HEATR5A: variants seen among roughly 807,000 people sequenced by gnomAD.
HEATR5A encodes HEAT repeat-containing protein 5A.
A neutral mutation model predicts 218.8 loss-of-function variants in HEATR5A; 178 were observed. The ratio of observed to expected loss-of-function variants is 0.81; its 90% confidence interval spans 0.72 to 0.92. HEATR5A has a LOEUF of 0.92. HEATR5A is among the 40% of genes least tolerant of loss of function. The pLI, the probability that HEATR5A is intolerant of heterozygous loss-of-function variation, is 0.00. For missense variants in HEATR5A, 2,420 were observed against 2,418.9 expected (o/e 1.00, Z -0.01); for synonymous variants, 864 against 871.6 (o/e 0.99, Z 0.15).
chr14:31,348,236 T>C (rs891207913), intron 18 of HEATR5A, among the ~76,000 whole-genome samples: 3 of 152,190 alleles, frequency 2.0e-5, no homozygotes, highest in Non-Finnish European at 2.9e-5. Context: ...AAAACTCAAA[T>C]GCTGAGATAC....
At chr14:31,330,563 T>A (rs1900429862) in intron 22 of HEATR5A, among the ~76,000 whole-genome samples, 2 of 151,846 alleles carry the variant, frequency 1.3e-5, no homozygotes, top group South Asian at 4.1e-4. Flanking sequence ...CCGAGGTGGG[T>A]GGATCACGAG....
intron 1 of HEATR5A, among the ~76,000 whole-genome samples, chr14:31,414,102 T>G (rs2031371295): frequency 6.6e-6 from 1 of 152,214 alleles, no homozygotes; most frequent in Non-Finnish European, 1.5e-5. Context: ...TTATTATGCT[T>G]CATTCCACAC....
intron 6 of HEATR5A, among the ~76,000 whole-genome samples, chr14:31,390,577 A>G (rs1432278911): frequency 6.6e-6 from 1 of 152,220 alleles, no homozygotes; most frequent in Non-Finnish European, 1.5e-5. Flanking sequence ...CACGTACTAC[A>G]TAAGGACATT....
intron 1 of HEATR5A, among the ~76,000 whole-genome samples, chr14:31,414,474 G>A (rs1406496839): frequency 6.6e-6 from 1 of 152,194 alleles, no homozygotes; most frequent in Non-Finnish European, 1.5e-5. Context: ...TAACAGTGAT[G>A]AAAGAGACAA....
At position 31,386,612 on chromosome 14, in the gene HEATR5A, T is replaced by C. The variant is rs371609648; in HGVS notation, c.1190-37A>G. The C allele has an allele frequency of 6.0e-6, 9 of 1,511,568 alleles. No individual in the cohort carries two copies. The African/African-American group carries it at 1.3e-4, about 21-fold the overall frequency. 93.6% of individuals were successfully genotyped at this position (1,511,568 alleles called of 1,614,324 possible). A position where few individuals can be genotyped will look rare whatever the true frequency, so the allele number is the denominator to read the frequency against. On this transcript the variant is annotated intron_variant, in intron 8 of 35. Transcript: ENST00000543095. ...GCAAGAATTAACTATGCATAACCAC[T>C]GTATTAAAATATATTGAAAAGGGTG...
intron 12 of HEATR5A, among the ~76,000 whole-genome samples, chr14:31,372,933 C>A (rs1159327267): frequency 3.3e-5 from 5 of 151,476 alleles, no homozygotes; most frequent in Non-Finnish European, 7.4e-5. Flanking sequence ...CCTCCCGACC[C>A]CACCTCCCAC....
intron 27 of HEATR5A, 132 bp downstream of exon 27, chr14:31,315,638 T>C (rs551109451): frequency 6.4e-6 from 4 of 622,806 alleles, no homozygotes; most frequent in Non-Finnish European, 1.1e-5. Context: ...ACATCACATG[T>C]TGGAATTCTT....
intron 13 of HEATR5A, among the ~76,000 whole-genome samples, chr14:31,371,213 T>C (rs761522566): frequency 6.6e-6 from 1 of 152,250 alleles, no homozygotes; most frequent in African/African-American, 2.4e-5. Flanking sequence ...ATTTACTATC[T>C]GGTCCTTCAG....
At chr14:31,396,467 T>C (rs572848973) in intron 4 of HEATR5A, among the ~76,000 whole-genome samples, 6 of 152,132 alleles carry the variant, frequency 3.9e-5, no homozygotes, top group South Asian at 2.1e-4. Flanking sequence ...AAAGAAATAG[T>C]AGCTGCTTAT....
In HEATR5A at chr14:31,332,414, G is replaced by A. The variant is rs576639661; in HGVS notation, c.3367+5062C>T. Among the ~76,000 whole-genome samples, 15 of 152,178 alleles carry A rather than the reference G, an allele frequency of 9.9e-5. No homozygotes were observed. The South Asian group carries it at 3.1e-3, about 32-fold the overall frequency. The stretch of plus-strand genomic sequence containing the variant: ...CTGAGACACAACAGTATCAAAATTA[G>A]GCCAATGAATAACACCGCAATGGCC... On this transcript the variant is annotated intron_variant, in intron 22 of 35. Transcript: ENST00000543095.
At chr14:31,312,564 C>T (rs1156349522) in intron 28 of HEATR5A, among the ~76,000 whole-genome samples, 1 of 151,966 alleles carries the variant, frequency 6.6e-6, no homozygotes, top group East Asian at 1.9e-4. Context: ...AGGCACTCAC[C>T]ACAACACTTG....
intron 1 of HEATR5A, among the ~76,000 whole-genome samples, chr14:31,407,604 A>ATATATATATT (rs2031124725): frequency 2.1e-3 from 3 of 1,424 alleles, no homozygotes; most frequent in African/African-American, 3.3e-3. Flanking sequence ...ATATATATAT[A>ATATATATATT]TATATATATA....
intron 1 of HEATR5A, among the ~76,000 whole-genome samples, chr14:31,408,882 G>A (rs2031172116): frequency 7.3e-6 from 1 of 137,092 alleles, no homozygotes; most frequent in Non-Finnish European, 1.6e-5. Context: ...ACGAGGTCAG[G>A]AGATCGAGAC....
At position 31,358,827 on chromosome 14, in the gene HEATR5A, A is replaced by G; in HGVS notation, c.2236-15T>C. 6.2e-7 allele frequency: 1 copy of G among 1,612,672 alleles called. No homozygotes were observed. The highest frequency in any genetic ancestry group is 8.5e-7 in the Non-Finnish European group (1 of 1,179,490). On this transcript the variant is annotated splice_polypyrimidine_tract_variant and intron_variant, in intron 15 of 35. Coordinates refer to ENST00000543095, the MANE Select transcript of HEATR5A (RefSeq NM_015473.4). ...CCAAGCAGGAGCTAAAAGGGAAAAA[A>G]AGTATATAAGGTTTTAAAATCACTG...
intron 24 of HEATR5A, among the ~76,000 whole-genome samples, chr14:31,322,727 G>A (rs1033445009): frequency 2.6e-5 from 4 of 151,608 alleles, no homozygotes; most frequent in African/African-American, 9.7e-5. Context: ...GCTGGGGTGG[G>A]AGGATTGCTT....
intron 30 of HEATR5A, 108 bp downstream of exon 30, chr14:31,307,785 G>C: frequency 2.3e-6 from 3 of 1,312,428 alleles, no homozygotes; most frequent in Non-Finnish European, 3.1e-6. Context: ...GTATGGTTTA[G>C]AAAAAAAATT....
chr14:31,293,810 G>T lies in HEATR5A; in HGVS notation c.5833+81C>A. 4 of 1,197,866 alleles carry T rather than the reference G, an allele frequency of 3.3e-6. No homozygotes were observed. The South Asian group carries it at 4.0e-5, about 12-fold the overall frequency. 74.2% of individuals were successfully genotyped at this position (1,197,866 alleles called of 1,614,324 possible). ...TGAATGTGAAATACAGATATAATGTGACTGATTGTTTTGCAATTTAAATAA... is the reference window on the plus strand; with the variant it reads ...TGAATGTGAAATACAGATATAATGTTACTGATTGTTTTGCAATTTAAATAA... On this transcript the variant is annotated intron_variant, in intron 35 of 35. Transcript: ENST00000543095.
chr14:31,309,315 C>T (rs765064509), intron 28 of HEATR5A, 133 bp from the exon 29 acceptor site: 5 of 871,290 alleles, frequency 5.7e-6, no homozygotes, highest in Middle Eastern at 3.0e-4. Flanking sequence ...GTTCCCTATA[C>T]CCTAAGGCAA....
intron 32 of HEATR5A, 36 bp downstream of exon 32, chr14:31,304,869 C>G (rs1280863949): frequency 1.9e-6 from 3 of 1,599,274 alleles, no homozygotes; most frequent in Non-Finnish European, 2.6e-6. Context: ...CATTTCTCTT[C>G]TAGGTCAAGT....
Sources: gnomAD v4.1 joint callset for allele counts (sites outside exome capture counted in the v4.1 genomes callset) on GRCh38, gnomAD v4.1.1 for gene constraint, MANE v1.5 for transcripts, NCBI Gene and HGNC (gene_info 2026-07-23, HGNC 2026-07-21) for gene names.